The following TTLL5 variants were observed in gnomAD, a reference collection of about 807,000 sequenced individuals.
The protein encoded by TTLL5 is tubulin tyrosine ligase like 5.
TTLL5 carries 132 observed loss-of-function variants against 168.4 expected under a neutral mutation model. The observed-to-expected ratio is 0.78, with a 90% CI of 0.68 to 0.91. The LOEUF (loss-of-function observed/expected upper bound fraction) is 0.91. Among genes scored for constraint, TTLL5 ranks in the 40% least tolerant of loss-of-function variants. TTLL5 has a pLI of 0.00. For missense variants in TTLL5, 1,545 were observed against 1,581.5 expected (o/e 0.98, Z 0.39); for synonymous variants, 546 against 558.6 (o/e 0.98, Z 0.32).
At chr14:75,715,006 T>C (rs757932656) in intron 9 of TTLL5, among the ~76,000 whole-genome samples, 2 of 152,216 alleles carry the variant, frequency 1.3e-5, no homozygotes, top group Non-Finnish European at 2.9e-5. Context: ...AGTTCAAAAC[T>C]ACAGAGTTCC....
In TTLL5 at chr14:75,863,827, C is replaced by G. The variant is rs199613904; in HGVS notation, c.3487C>G (p.Arg1163Gly). The change falls in exon 29 of 32, where the codon CGG (arginine) becomes GGG (glycine). Residue 1163 changes from arginine to glycine, a missense_variant. Physicochemically the swap from Arg to Gly is moderately radical, Grantham distance 125. Transcript: ENST00000298832. ...QQLEQQKLQS[R>G]QLLDQSRARH... The stretch of plus-strand genomic sequence containing the variant: ...ACTTGAACAACAAAAACTTCAGTCC[C>G]GGCAGCTCCTGGACCAGAGTCGAGC... The G allele has an allele frequency of 1.9e-6, 3 of 1,606,406 alleles. No homozygotes were observed. The highest frequency in any genetic ancestry group is 2.5e-6 in the Non-Finnish European group (3 of 1,177,136).
intron 30 of TTLL5, among the ~76,000 whole-genome samples, chr14:75,888,012 A>C (rs995100321): frequency 6.6e-6 from 1 of 152,204 alleles, no homozygotes; most frequent in Non-Finnish European, 1.5e-5. Context: ...TAGGAAATGA[A>C]AGGGAAACCT....
chr14:75,669,361 G>C, intron 2 of TTLL5, 55 bp from the exon 3 acceptor site: 1 of 1,495,022 alleles, frequency 6.7e-7, no homozygotes, highest in Non-Finnish European at 9.2e-7. Context: ...ATCTGCATCA[G>C]CAGTTAGTTC....
At chr14:75,800,309 C>T (rs1893224477) in intron 27 of TTLL5, among the ~76,000 whole-genome samples, 2 of 151,840 alleles carry the variant, frequency 1.3e-5, no homozygotes, top group Non-Finnish European at 2.9e-5. Flanking sequence ...CTTTTATTTC[C>T]AGGAGTTATG....
At chr14:75,825,814 ATT>A (rs1895093261) in intron 28 of TTLL5, among the ~76,000 whole-genome samples, 1 of 151,864 alleles carries the variant, frequency 6.6e-6, no homozygotes, top group Admixed American at 6.6e-5. Flanking sequence ...GAGGAAAACG[ATT>A]TCTCCAGTAC....
intron 26 of TTLL5, among the ~76,000 whole-genome samples, chr14:75,787,257 C>A (rs966337048): frequency 2.0e-5 from 3 of 151,970 alleles, no homozygotes; most frequent in African/African-American, 4.8e-5. Context: ...ATGCTGTTTA[C>A]CAGAGGCACA....
At chr14:75,907,848 G>T (rs1257847287) in intron 31 of TTLL5, among the ~76,000 whole-genome samples, 8 of 152,218 alleles carry the variant, frequency 5.3e-5, no homozygotes, top group African/African-American at 1.9e-4. Flanking sequence ...ATTTCCCTTA[G>T]GAGACTGGCA....
intron 18 of TTLL5, 94 bp downstream of exon 18, chr14:75,753,049 A>G: frequency 8.1e-7 from 1 of 1,230,184 alleles, no homozygotes; most frequent in East Asian, 2.4e-5. Context: ...AAAAGTCTTT[A>G]TGTAAAATCT....
At chr14:75,879,688 A>G (rs2031696453) in intron 29 of TTLL5, among the ~76,000 whole-genome samples, 1 of 152,198 alleles carries the variant, frequency 6.6e-6, no homozygotes, top group Non-Finnish European at 1.5e-5. Context: ...CCACTTTGTA[A>G]GTGACAAGGC....
intron 26 of TTLL5, among the ~76,000 whole-genome samples, chr14:75,792,023 C>T (rs1892756407): frequency 6.6e-6 from 1 of 151,978 alleles, no homozygotes; most frequent in Admixed American, 6.6e-5. Context: ...ATCCTCCTGC[C>T]TCAGCCTCCC....
At chr14:75,785,778 A>G (rs915231416) in intron 26 of TTLL5, among the ~76,000 whole-genome samples, 46 of 152,216 alleles carry the variant, frequency 3.0e-4, no homozygotes, top group Non-Finnish European at 5.1e-4. Flanking sequence ...ACAGCATTAT[A>G]GTAAGTTTTG....
chr14:75,878,310 C>T (rs2031610632), intron 29 of TTLL5, among the ~76,000 whole-genome samples: 1 of 152,218 alleles, frequency 6.6e-6, no homozygotes, highest in Admixed American at 6.5e-5. Flanking sequence ...TAGAGATAGG[C>T]TCTTGCAGAC....
intron 9 of TTLL5, among the ~76,000 whole-genome samples, chr14:75,713,647 A>G (rs1157648310): frequency 2.0e-5 from 3 of 152,240 alleles, no homozygotes; most frequent in African/African-American, 4.8e-5. Context: ...ATCAAAGGTC[A>G]CTAACATAAA....
chr14:75,812,562 G>A (rs1305512428), intron 27 of TTLL5, among the ~76,000 whole-genome samples: 1 of 152,128 alleles, frequency 6.6e-6, no homozygotes, highest in Non-Finnish European at 1.5e-5. Flanking sequence ...TAATGTTTGA[G>A]CATCTGAACA....
intron 28 of TTLL5, among the ~76,000 whole-genome samples, chr14:75,833,657 A>G (rs956454356): frequency 6.6e-6 from 1 of 152,246 alleles, no homozygotes; most frequent in Admixed American, 6.5e-5. Context: ...CTTTTACTAT[A>G]TATAATGCCT....
intron 18 of TTLL5, among the ~76,000 whole-genome samples, chr14:75,753,868 C>G (rs1279859940): frequency 6.6e-6 from 1 of 152,110 alleles, no homozygotes; most frequent in African/African-American, 2.4e-5. Flanking sequence ...GATACTTTGC[C>G]AGGATGTGTT....
intron 29 of TTLL5, 125 bp from the exon 30 acceptor site, chr14:75,882,560 T>TAA: frequency 2.0e-5 from 16 of 782,956 alleles, no homozygotes; most frequent in Admixed American, 6.4e-5. Context: ...AGTTTTTCCT[T>TAA]AAAAAAAAAA....
At chr14:75,695,219 G>A (rs905223063) in intron 6 of TTLL5, among the ~76,000 whole-genome samples, 26 of 152,304 alleles carry the variant, frequency 1.7e-4, no homozygotes, top group African/African-American at 5.5e-4. Context: ...TGTCTTAGAC[G>A]GTTGAAGATA....
chr14:75,882,856 A>C lies in TTLL5; in HGVS notation c.3694A>C (p.Asn1232His), dbSNP rs761487987. 6.2e-7 allele frequency: 1 copy of C among 1,614,098 alleles called. No individual in the cohort carries two copies. The change falls in exon 30 of 32, where the codon AAC becomes CAC. Residue 1232 changes from asparagine (N) to histidine (H), a missense_variant. By Grantham distance (68) the Asn-to-His change is moderately conservative (BLOSUM62 1). Transcript: ENST00000298832. The part of the protein sequence containing the change: ...CASLVPKPPP[N>H]HEQVLRRATS... ...CTCCCTGGTTCCCAAACCCCCACCCAACCACGAACAAGTGCTCAGAAGGGC... is the reference window on the plus strand; with the variant it reads ...CTCCCTGGTTCCCAAACCCCCACCCCACCACGAACAAGTGCTCAGAAGGGC...
Sources: allele counts gnomAD v4.1 joint callset (sites outside exome capture counted in the v4.1 genomes callset), GRCh38; gene constraint gnomAD v4.1.1; transcripts MANE v1.5; gene names NCBI Gene and HGNC (gene_info 2026-07-23, HGNC 2026-07-21).